NOP14: variants seen among roughly 807,000 people sequenced by gnomAD.
NOP14 encodes NOP14 nucleolar protein, also known as nucleolar protein 14.
NOP14 carries 57 observed loss-of-function variants against 101.6 expected under a neutral mutation model. That is an observed-to-expected ratio of 0.56 (90% CI 0.45 to 0.70). The LOEUF is 0.70. Ranked by LOEUF, NOP14 falls within the 30% of genes least tolerant of loss-of-function variation. The pLI is 0.00. For synonymous variants in NOP14, 428 were observed against 424.0 expected, an observed-to-expected ratio of 1.01 and a Z score of -0.12; for missense variants, 1,134 against 1,075.5, an observed-to-expected ratio of 1.05 and a Z score of -0.76.
intron 1 of NOP14, among the ~76,000 whole-genome samples, chr4:2,959,455 T>A (rs1453376425): frequency 2.0e-5 from 3 of 151,848 alleles, no homozygotes; most frequent in African/African-American, 4.8e-5. Context: ...TAGCCGGGTG[T>A]GGTGGCGGGC....
chr4:2,955,608 A>G (rs1715300737), intron 3 of NOP14, among the ~76,000 whole-genome samples: 1 of 152,038 alleles, frequency 6.6e-6, no homozygotes, highest in Non-Finnish European at 1.5e-5. Flanking sequence ...GCCTCCTGGC[A>G]ATGAGGGGAA....
rs1231845022 is a variant in NOP14, at chr4:2,954,493, C to T, written c.543G>A (p.Glu181=). The T allele has an allele frequency of 6.2e-7, 1 of 1,614,194 alleles. No homozygotes were observed. Among genetic ancestry groups the T allele is most frequent in the South Asian group, 1.1e-5 (1 of 91,084 alleles). The part of the protein sequence containing the change: ...LLHKKTQQEG[E]EREKPKSRKE... Reference sequence around the variant, plus strand: ...TCCGGGACTTCGGTTTCTCCCGCTCCTCGCCTTCCTGTTGAGTCTTCTTGT... The same window carrying T: ...TCCGGGACTTCGGTTTCTCCCGCTCTTCGCCTTCCTGTTGAGTCTTCTTGT... The change falls in exon 4 of 18, where the codon GAG becomes GAA. Residue 181 remains glutamate, a synonymous_variant. Transcript: ENST00000416614.
At chr4:2,945,596 G>A (rs890216014) in intron 11 of NOP14, among the ~76,000 whole-genome samples, 3 of 152,176 alleles carry the variant, frequency 2.0e-5, no homozygotes, top group South Asian at 2.1e-4. Context: ...AATAAAGAGC[G>A]TATCTCAGCA....
At chr4:2,947,244 C>G (rs1358981703) in intron 10 of NOP14, 1 of 487,146 alleles carries the variant, frequency 2.1e-6, no homozygotes, top group African/African-American at 2.0e-5. Context: ...CAATGAGCCA[C>G]CCCATCCCAG....
Position 2,950,210 on chromosome 4 carries a change from C to T in NOP14, c.1006G>A (p.Gly336Arg). The T allele has an allele frequency of 1.9e-6, 3 of 1,613,456 alleles. No individual in the cohort carries two copies. Among genetic ancestry groups the T allele is most frequent in the Non-Finnish European group, 2.5e-6 (3 of 1,179,998 alleles). The change falls in exon 8 of 18, where the codon GGA becomes AGA. Residue 336 changes from glycine (G) to arginine (R), a missense_variant. Coordinates refer to ENST00000416614, the MANE Select transcript of NOP14 (RefSeq NM_001291978.2). ...ACATCTTCCTCGACATTCATCTTTCCATCCTACCAAGAGCGTGGAAACCAC... is the reference window on the plus strand; with the variant it reads ...ACATCTTCCTCGACATTCATCTTTCTATCCTACCAAGAGCGTGGAAACCAC... The part of the protein sequence containing the change: ...DDRRLLSYKD[G>R]KMNVEEDVQE...
At chr4:2,950,284 T>C in intron 7 of NOP14, 71 bp from the exon 8 acceptor site, 2 of 1,524,598 alleles carry the variant, frequency 1.3e-6, no homozygotes, top group Non-Finnish European at 1.8e-6. Context: ...CACAGCCACA[T>C]CAAGAGGCTG....
chr4:2,942,927 A>G (rs981779631), intron 13 of NOP14, among the ~76,000 whole-genome samples: 2 of 152,160 alleles, frequency 1.3e-5, no homozygotes, highest in African/African-American at 4.8e-5. Context: ...GAGTGGGTAC[A>G]GTGGGGCAGA....
At chr4:2,960,700 AATATTAAT>A (rs1429889797) in intron 1 of NOP14, among the ~76,000 whole-genome samples, 8 of 136,228 alleles carry the variant, frequency 5.9e-5, no homozygotes, top group East Asian at 2.0e-4. Context: ...TAATCACATT[AATATTAAT>A]ATATTAATAT....
In NOP14 at chr4:2,944,219, A is replaced by T. The variant is rs766210146; in HGVS notation, c.1745T>A (p.Ile582Asn). The T allele has an allele frequency of 6.2e-7, 1 of 1,612,108 alleles. No individual in the cohort carries two copies. The highest frequency in any genetic ancestry group is 8.5e-7 in the Non-Finnish European group (1 of 1,179,472). The change falls in exon 13 of 18, where the codon ATC (isoleucine) becomes AAC (asparagine). Residue 582 changes from isoleucine to asparagine, a missense_variant. Transcript: ENST00000416614. Reference protein sequence around the residue: ...CLSQLLTKCPILSLQDVVKGL... With the variant: ...CLSQLLTKCPNLSLQDVVKGL... ...CTTCACCACGTCCTGGAGGGACAGGATGGGGCACTGGAAAGGAACATATGG... is the reference window on the plus strand; with the variant it reads ...CTTCACCACGTCCTGGAGGGACAGGTTGGGGCACTGGAAAGGAACATATGG...
At chr4:2,960,161 G>A (rs904760662) in intron 1 of NOP14, among the ~76,000 whole-genome samples, 1 of 151,984 alleles carries the variant, frequency 6.6e-6, no homozygotes. Flanking sequence ...TAGTAGAGAT[G>A]GGGTTTCACC....
At chr4:2,951,050 A>G (rs1714993736) in intron 7 of NOP14, 64 bp downstream of exon 7, 2 of 1,454,560 alleles carry the variant, frequency 1.4e-6, no homozygotes, top group South Asian at 2.5e-5. Flanking sequence ...TAAAATGAAT[A>G]CCAAAAAAAT....
chr4:2,941,855 C>CACACT, intron 14 of NOP14, 126 bp from the exon 15 acceptor site: 1 of 1,178,826 alleles, frequency 8.5e-7, no homozygotes, highest in Non-Finnish European at 1.2e-6. Context: ...CCACCTTGGC[C>CACACT]GGCCAGGGTT....
Position 2,945,232 on chromosome 4 carries a change from G to A in NOP14, c.1636-3C>T. The A allele has an allele frequency of 6.4e-7, 1 of 1,559,242 alleles. No individual in the cohort carries two copies. The highest frequency in any genetic ancestry group is 1.4e-5 in the African/African-American group (1 of 73,878). On this transcript the variant is annotated splice_region_variant and splice_polypyrimidine_tract_variant and intron_variant, in intron 11 of 17. Transcript: ENST00000416614. Reference sequence around the variant, plus strand: ...CCAGTGATTTTCAAATAAATGAGCTGGAAAGAAAGTGTTACCACAGGTTAA... The same window carrying A: ...CCAGTGATTTTCAAATAAATGAGCTAGAAAGAAAGTGTTACCACAGGTTAA...
chr4:2,941,760 A>G (rs1455598130), intron 14 of NOP14, 31 bp from the exon 15 acceptor site: 5 of 1,602,574 alleles, frequency 3.1e-6, no homozygotes, highest in African/African-American at 2.7e-5. Context: ...AGGAGGTCCA[A>G]CTTGTTCTGT....
At chr4:2,952,816 G>A (rs998534875) in intron 5 of NOP14, among the ~76,000 whole-genome samples, 6 of 152,294 alleles carry the variant, frequency 3.9e-5, no homozygotes, top group South Asian at 2.1e-4. Context: ...GGTGGCACGC[G>A]CCTGTAATCC....
In NOP14 at chr4:2,963,296, C is replaced by T; in HGVS notation, c.24G>A (p.Gly8=). 6.3e-7 allele frequency: 1 copy of T among 1,593,958 alleles called. No homozygotes were observed. The change falls in exon 1 of 18, where the codon GGG becomes GGA. Residue 8 remains glycine (G), a synonymous_variant. Coordinates refer to ENST00000416614, the MANE Select transcript of NOP14 (RefSeq NM_001291978.2). MAKAKKV[G]ARRKASGAPA... ...GCGCCCCGGAGGCCTTCCTTCGCGC[C>T]CCGACCTTCTTCGCCTTCGCCATGG...
At chr4:2,941,359 T>G in intron 15 of NOP14, 1 of 550,216 alleles carries the variant, frequency 1.8e-6, no homozygotes, top group Non-Finnish European at 3.2e-6. Context: ...AGGCGACAGT[T>G]CCCAGCTGCC....
At chr4:2,949,834 T>C in intron 8 of NOP14, 100 bp downstream of exon 8, 9 of 1,397,298 alleles carry the variant, frequency 6.4e-6, no homozygotes, top group Non-Finnish European at 9.0e-6. Flanking sequence ...TTGGTCCCCA[T>C]TCCACAAATG....
chr4:2,941,441 C>G, intron 15 of NOP14, 141 bp downstream of exon 15: 31 of 721,688 alleles, frequency 4.3e-5, no homozygotes, highest in Non-Finnish European at 6.4e-5. Flanking sequence ...TATGATTTTA[C>G]TTCCCTTCAT....
Sources: gnomAD v4.1 joint callset for allele counts (sites outside exome capture counted in the v4.1 genomes callset) on GRCh38, gnomAD v4.1.1 for gene constraint, MANE v1.5 for transcripts, NCBI Gene and HGNC (gene_info 2026-07-23, HGNC 2026-07-21) for gene names.